Variants in NXPH1 observed in about 807,000 individuals in gnomAD.
NXPH1 encodes neurexophilin 1.
NXPH1 carries 5 observed loss-of-function variants against 23.7 expected under a neutral mutation model. The observed-to-expected ratio is 0.21, with a 90% CI of 0.11 to 0.44. The LOEUF (loss-of-function observed/expected upper bound fraction) is 0.44, where lower values mean the gene tolerates loss of function less well. Ranked by LOEUF, NXPH1 falls within the 20% of genes least tolerant of loss-of-function variation. The probability of loss-of-function intolerance (pLI) is 0.99; values close to 1 mark genes in which losing one functional copy is unlikely to be tolerated. For missense variants in NXPH1, 324 were observed against 321.6 expected (o/e 1.01, Z -0.06); for synonymous variants, 144 against 122.2 (o/e 1.18, Z -1.18).
At chr7:8,487,836 G>C (rs908784585) in intron 2 of NXPH1, among the ~76,000 whole-genome samples, 37 of 152,194 alleles carry the variant, frequency 2.4e-4, no homozygotes, top group African/African-American at 8.2e-4. Flanking sequence ...AATATTAGAG[G>C]AGGTGTTTTG....
chr7:8,461,243 T>C (rs999516176), intron 2 of NXPH1, among the ~76,000 whole-genome samples: 1 of 152,222 alleles, frequency 6.6e-6, no homozygotes, highest in Non-Finnish European at 1.5e-5. Flanking sequence ...ATTACATGGT[T>C]AGGAAGAGAT....
At chr7:8,597,370 C>T (rs889352417) in intron 2 of NXPH1, among the ~76,000 whole-genome samples, 6 of 151,832 alleles carry the variant, frequency 4.0e-5, no homozygotes, top group African/African-American at 1.5e-4. Context: ...AGAATCTAAC[C>T]AAAGATAATG....
rs528147081 is a variant in NXPH1 at position 8,705,067 on chromosome 7, A to T, written c.55-45941A>T. Among the ~76,000 whole-genome samples the T allele has an allele frequency of 9.9e-5, 15 of 152,282 alleles. No individual in the cohort carries two copies. In the South Asian group the frequency reaches 3.1e-3, roughly 32 times the overall value. ...ATTCATGGACCCAAAATGCTACTGC[A>T]GTCCACTAGTCAAAGTGGAGATTGT... On this transcript the variant is annotated intron_variant, in intron 2 of 2. Coordinates refer to ENST00000405863, the MANE Select transcript of NXPH1 (RefSeq NM_152745.3).
intron 2 of NXPH1, among the ~76,000 whole-genome samples, chr7:8,658,430 T>C (rs1820615834): frequency 6.6e-6 from 1 of 152,236 alleles, no homozygotes; most frequent in African/African-American, 2.4e-5. Context: ...AACTTACACA[T>C]TGTAACTACA....
At chr7:8,591,373 G>T (rs551256152) in intron 2 of NXPH1, among the ~76,000 whole-genome samples, 136 of 152,120 alleles carry the variant, frequency 8.9e-4, no homozygotes, top group African/African-American at 3.1e-3. Context: ...TAGAGACCTT[G>T]TTTTTAACCA....
At chr7:8,541,946 A>G (rs1306884540) in intron 2 of NXPH1, among the ~76,000 whole-genome samples, 1 of 151,614 alleles carries the variant, frequency 6.6e-6, no homozygotes, top group East Asian at 1.9e-4. Context: ...GAGAAAGAAC[A>G]GATAGAACAT....
At chr7:8,469,680 C>T (rs114596513) in intron 2 of NXPH1, among the ~76,000 whole-genome samples, 3,293 of 152,136 alleles carry the variant, frequency 0.022, 126 homozygotes, top group African/African-American at 0.076. Flanking sequence ...TTAATTCTAT[C>T]GAATTGTGGA....
chr7:8,460,178 T>A (rs1563316617), intron 2 of NXPH1, among the ~76,000 whole-genome samples: 1 of 152,172 alleles, frequency 6.6e-6, no homozygotes, highest in Admixed American at 6.5e-5. Context: ...AGTTAAACTT[T>A]TGTTAATTTT....
At chr7:8,705,492 G>A (rs1204753781) in intron 2 of NXPH1, among the ~76,000 whole-genome samples, 1 of 152,136 alleles carries the variant, frequency 6.6e-6, no homozygotes, top group Non-Finnish European at 1.5e-5. Context: ...CCAAAAGCTT[G>A]AAATATGCAG....
chr7:8,659,726 T>G (rs1383980563), intron 2 of NXPH1, among the ~76,000 whole-genome samples: 1 of 152,068 alleles, frequency 6.6e-6, no homozygotes, highest in Non-Finnish European at 1.5e-5. Flanking sequence ...GAACTTAAAG[T>G]ATAATAACAA....
At position 8,468,066 on chromosome 7, in the gene NXPH1, C is replaced by T. The variant is rs556511047; in HGVS notation, c.54+32299C>T. ...CCATCCATACTCCATTTAAATAAAG[C>T]AAGAAAGATAAGGAAAATGGTTTGT... On this transcript the variant is annotated intron_variant, in intron 2 of 2. Coordinates refer to ENST00000405863, the MANE Select transcript of NXPH1 (RefSeq NM_152745.3). 7.9e-5 allele frequency among the ~76,000 whole-genome samples: 12 copies of T among 152,028 alleles called. No individual in the cohort carries two copies. In the South Asian group the frequency reaches 2.5e-3, roughly 32 times the overall value.
intron 2 of NXPH1, among the ~76,000 whole-genome samples, chr7:8,703,635 G>C (rs148362874): frequency 1.0e-3 from 157 of 152,224 alleles, no homozygotes; most frequent in African/African-American, 3.5e-3. Flanking sequence ...GCTGAAGCAA[G>C]TTGTTGGAGG....
At chr7:8,691,167 T>A (rs1311205179) in intron 2 of NXPH1, among the ~76,000 whole-genome samples, 1 of 152,058 alleles carries the variant, frequency 6.6e-6, no homozygotes, top group South Asian at 2.1e-4. Context: ...TTTTTTGAGA[T>A]GGAGTTTTAC....
At chr7:8,526,790 C>CCAAACAGCCA (rs1563336231) in intron 2 of NXPH1, among the ~76,000 whole-genome samples, 2 of 152,174 alleles carry the variant, frequency 1.3e-5, no homozygotes, top group African/African-American at 2.4e-5. Flanking sequence ...ATGTGGAACT[C>CCAAACAGCCA]TAAGTCCAAT....
chr7:8,561,345 C>T (rs573955558), intron 2 of NXPH1, among the ~76,000 whole-genome samples: 2 of 132,420 alleles, frequency 1.5e-5, no homozygotes, highest in African/African-American at 6.1e-5. Flanking sequence ...TGAGGGAAGC[C>T]TATGTGACAC....
intron 2 of NXPH1, among the ~76,000 whole-genome samples, chr7:8,699,945 T>C (rs1050669785): frequency 2.0e-5 from 3 of 152,188 alleles, no homozygotes; most frequent in Non-Finnish European, 4.4e-5. Flanking sequence ...CTGTGGTTAT[T>C]ATCTTCACAG....
intron 2 of NXPH1, among the ~76,000 whole-genome samples, chr7:8,569,698 G>A (rs1224374300): frequency 6.6e-6 from 1 of 151,798 alleles, no homozygotes; most frequent in Non-Finnish European, 1.5e-5. Context: ...TACAAAACAA[G>A]CTAACAGAGG....
At chr7:8,475,400 G>T (rs547392940) in intron 2 of NXPH1, among the ~76,000 whole-genome samples, 17 of 152,154 alleles carry the variant, frequency 1.1e-4, no homozygotes, top group Non-Finnish European at 2.1e-4. Flanking sequence ...GATAATTTGG[G>T]AAAATTTGGT....
intron 2 of NXPH1, among the ~76,000 whole-genome samples, chr7:8,725,381 G>A (rs761211269): frequency 2.6e-5 from 4 of 151,668 alleles, no homozygotes; most frequent in Non-Finnish European, 2.9e-5. Flanking sequence ...TCCCAGCTAC[G>A]CAGTAGGCTG....
Sources: gnomAD v4.1 joint callset for allele counts (sites outside exome capture counted in the v4.1 genomes callset) on GRCh38, gnomAD v4.1.1 for gene constraint, MANE v1.5 for transcripts, NCBI Gene and HGNC (gene_info 2026-07-23, HGNC 2026-07-21) for gene names.